The following MRTFA variants were observed in gnomAD, a reference collection of about 807,000 sequenced individuals.
The protein encoded by MRTFA is myocardin-related transcription factor A.
MRTFA carries 20 observed loss-of-function variants against 83.5 expected under a neutral mutation model. That is an observed-to-expected ratio of 0.24 (90% CI 0.17 to 0.35). The LOEUF is 0.35. Ranked by LOEUF, MRTFA falls within the 10% of genes least tolerant of loss-of-function variation. The probability of loss-of-function intolerance (pLI) is 1.00; values close to 1 mark genes in which losing one functional copy is unlikely to be tolerated. For missense variants in MRTFA, 1,200 were observed against 1,224.7 expected (o/e 0.98, Z 0.30); for synonymous variants, 659 against 541.2 (o/e 1.22, Z -3.02).
At chr22:40,478,539 G>A (rs1294143058) in intron 3 of MRTFA, among the ~76,000 whole-genome samples, 2 of 152,088 alleles carry the variant, frequency 1.3e-5, no homozygotes, top group Non-Finnish European at 2.9e-5. Context: ...AGAGCAAACT[G>A]TTTTCCTTTC....
chr22:40,630,951 G>A (rs1272251486), intron 1 of MRTFA, among the ~76,000 whole-genome samples: 1 of 152,090 alleles, frequency 6.6e-6, no homozygotes, highest in Non-Finnish European at 1.5e-5. Flanking sequence ...TTTATTATGG[G>A]CCCTAGCTCT....
At chr22:40,516,779 C>A (rs1569307064) in intron 3 of MRTFA, among the ~76,000 whole-genome samples, 2 of 152,116 alleles carry the variant, frequency 1.3e-5, no homozygotes, top group Non-Finnish European at 2.9e-5. Flanking sequence ...ACAGGTACAA[C>A]AGTCACAGTT....
At chr22:40,455,437 G>A (rs1223820220) in intron 4 of MRTFA, among the ~76,000 whole-genome samples, 3 of 151,932 alleles carry the variant, frequency 2.0e-5, no homozygotes, top group Non-Finnish European at 4.4e-5. Context: ...ACGAGGTCAG[G>A]AGATTGAGAC....
At position 40,613,430 on chromosome 22, in the gene MRTFA, G is replaced by A. The variant is rs566136392; in HGVS notation, c.-83-18695C>T. Reference sequence around the variant, plus strand: ...AACTGACAAACTTTCCAAAGTGGCTGTACCATGTCACACTCCTACAAGCAA... The same window carrying A: ...AACTGACAAACTTTCCAAAGTGGCTATACCATGTCACACTCCTACAAGCAA... On this transcript the variant is annotated intron_variant, in intron 1 of 14. Transcript: ENST00000355630. Among the ~76,000 whole-genome samples, 6 of 152,260 alleles carry A rather than the reference G, an allele frequency of 3.9e-5. No individual in the cohort carries two copies. The East Asian group carries it at 9.6e-4, about 24-fold the overall frequency.
intron 1 of MRTFA, among the ~76,000 whole-genome samples, chr22:40,609,351 T>C (rs1376025164): frequency 6.6e-6 from 1 of 151,510 alleles, no homozygotes; most frequent in Non-Finnish European, 1.5e-5. Context: ...TATTGTGGCT[T>C]GAATTTGTAA....
At chr22:40,544,371 A>G (rs2055332708) in intron 3 of MRTFA, among the ~76,000 whole-genome samples, 1 of 152,108 alleles carries the variant, frequency 6.6e-6, no homozygotes, top group Non-Finnish European at 1.5e-5. Flanking sequence ...AGTAGGTGGG[A>G]CTACAGGCAT....
rs567796984 is a variant in MRTFA at position 40,498,444 on chromosome 22, C to G, written c.242-35158G>C. Among the ~76,000 whole-genome samples, 16 of 150,480 alleles carry G rather than the reference C, an allele frequency of 1.1e-4. No homozygotes were observed. In the East Asian group the frequency reaches 2.2e-3, roughly 20 times the overall value. ...GGACTAAGGTACAAGCTACCATGCC[C>G]AGCTGATTTTTGCATTTTTTTGTAG... is the stretch of plus-strand genomic sequence containing the variant. On this transcript the variant is annotated intron_variant, in intron 3 of 14. Transcript: ENST00000355630.
At chr22:40,545,312 AG>A (rs2055345514) in intron 3 of MRTFA, among the ~76,000 whole-genome samples, 1 of 152,224 alleles carries the variant, frequency 6.6e-6, no homozygotes, top group Admixed American at 6.5e-5. Flanking sequence ...AGGCCAGTAA[AG>A]ATTGGGTTAG....
intron 2 of MRTFA, among the ~76,000 whole-genome samples, chr22:40,571,917 C>A (rs28540876): frequency 2.2e-5 from 2 of 91,468 alleles, no homozygotes; most frequent in Non-Finnish European, 2.0e-5. Flanking sequence ...GAGCAAGACT[C>A]TGTCAAAAAA....
rs1404701702 is a variant in MRTFA at position 40,629,640 on chromosome 22, G to A, written c.-84+6838C>T. ...ATATACAAAAAATTAGCTGGGCGTG[G>A]TGGTGGGTGCCTATAATCCCAGCTA... is the stretch of plus-strand genomic sequence containing the variant. On this transcript the variant is annotated intron_variant, in intron 1 of 14. Coordinates refer to ENST00000355630, the MANE Select transcript of MRTFA (RefSeq NM_020831.6). 4.6e-5 allele frequency among the ~76,000 whole-genome samples: 7 copies of A among 151,336 alleles called. No homozygotes were observed. The South Asian group carries it at 1.0e-3, about 23-fold the overall frequency.
rs35912231 is a variant in MRTFA, at chr22:40,527,131, TACAC to T, written c.241+24971_241+24974del. Among the ~76,000 whole-genome samples the T allele has an allele frequency of 1.9e-3, 273 of 146,458 alleles. 2 individuals are homozygous for T. The highest frequency in any genetic ancestry group is 6.9e-3 in the Middle Eastern group (2 of 288). ...ACAGAGCAAGACCTCGCCTCAAAGA[TACAC>T]ACACACACACACACACACACACAAA... is the stretch of plus-strand genomic sequence containing the variant. On this transcript the variant is annotated intron_variant, in intron 3 of 14. Coordinates refer to ENST00000355630, the MANE Select transcript of MRTFA (RefSeq NM_020831.6).
intron 2 of MRTFA, among the ~76,000 whole-genome samples, chr22:40,570,440 T>A (rs2055771889): frequency 6.6e-6 from 1 of 151,650 alleles, no homozygotes; most frequent in Non-Finnish European, 1.5e-5. Flanking sequence ...TAGCCTGGCA[T>A]GGTGGCAAGC....
At chr22:40,417,148 C>A in intron 13 of MRTFA, 102 bp from the exon 14 acceptor site, 1 of 1,425,368 alleles carries the variant, frequency 7.0e-7, no homozygotes. Flanking sequence ...GAATAAGCAG[C>A]CAGATCCACA....
At chr22:40,428,563 G>C (rs917235203) in intron 7 of MRTFA, among the ~76,000 whole-genome samples, 1 of 152,150 alleles carries the variant, frequency 6.6e-6, no homozygotes, top group Non-Finnish European at 1.5e-5. Flanking sequence ...ACCCAGGCTA[G>C]AGTGCAGTGG....
intron 1 of MRTFA, among the ~76,000 whole-genome samples, chr22:40,600,397 A>T (rs2056245408): frequency 6.6e-6 from 1 of 152,178 alleles, no homozygotes; most frequent in Non-Finnish European, 1.5e-5. Flanking sequence ...ATCCACCACA[A>T]ATCTTTCCTT....
intron 10 of MRTFA, 28 bp from the exon 11 acceptor site, chr22:40,420,604 C>T: frequency 6.2e-7 from 1 of 1,608,374 alleles, no homozygotes; most frequent in Non-Finnish European, 8.5e-7. Flanking sequence ...AAATTAGCCC[C>T]ATCCAGCTTC....
rs918851256 is a variant in MRTFA, at chr22:40,576,028, CT to C, written c.-22+18645del. On this transcript the variant is annotated intron_variant, in intron 2 of 14. Coordinates refer to ENST00000355630, the MANE Select transcript of MRTFA (RefSeq NM_020831.6). ...GCACCATATGTATAGATGTAAATTT[CT>C]TTTTTTTTTTTTTTTTTGAGACGGA... 4.5e-3 allele frequency among the ~76,000 whole-genome samples: 589 copies of C among 131,362 alleles called. 3 individuals carry two copies. Among genetic ancestry groups the C allele is most frequent in the African/African-American group, 0.01 (363 of 36,284 alleles). The allele number at this position is 131,362 out of a possible 152,430, so 86.2% of individuals were successfully genotyped here.
At chr22:40,420,222 G>A (rs1385526698) in intron 11 of MRTFA, among the ~76,000 whole-genome samples, 183 bp downstream of exon 11, 2 of 152,230 alleles carry the variant, frequency 1.3e-5, no homozygotes, top group African/African-American at 4.8e-5. Flanking sequence ...CCACCTCCAG[G>A]CAGCCTCAGA....
rs1202622897 is a variant in MRTFA, at chr22:40,411,502, G to A, written c.2984C>T (p.Ser995Leu). The A allele has an allele frequency of 1.2e-6, 2 of 1,611,474 alleles. No homozygotes were observed. Among genetic ancestry groups the A allele is most frequent in the Non-Finnish European group, 1.7e-6 (2 of 1,178,180 alleles). The change falls in exon 15 of 15, where the codon TCA becomes TTA. Residue 995 changes from serine (S) to leucine (L), a missense_variant. Transcript: ENST00000355630. ...GGCTAGGCTCAGCACGGGACCACCT[G>A]ACGACAGCTCCAGCCAGTCCATGCT...
Sources: gnomAD v4.1 joint callset for allele counts (sites outside exome capture counted in the v4.1 genomes callset) on GRCh38, gnomAD v4.1.1 for gene constraint, MANE v1.5 for transcripts, NCBI Gene and HGNC (gene_info 2026-07-23, HGNC 2026-07-21) for gene names.